CNTNAP5: variants seen among roughly 807,000 people sequenced by gnomAD.
The protein encoded by CNTNAP5 is contactin associated protein family member 5, also known as contactin-associated protein-like 5.
CNTNAP5 carries 72 observed loss-of-function variants against 150.2 expected under a neutral mutation model. The observed-to-expected ratio is 0.48, with a 90% CI of 0.40 to 0.58. The LOEUF is 0.58. CNTNAP5 is among the 20% of genes least tolerant of loss of function. The probability of loss-of-function intolerance (pLI) is 0.00; values close to 1 mark genes in which losing one functional copy is unlikely to be tolerated. For synonymous variants in CNTNAP5, 672 were observed against 619.8 expected, an observed-to-expected ratio of 1.08 and a Z score of -1.25; for missense variants, 1,636 against 1,626.2, an observed-to-expected ratio of 1.01 and a Z score of -0.10.
At chr2:124,669,985 C>T (rs1410670866) in intron 13 of CNTNAP5, among the ~76,000 whole-genome samples, 1 of 152,166 alleles carries the variant, frequency 6.6e-6, no homozygotes, top group African/African-American at 2.4e-5. Context: ...CTCCTGACTT[C>T]AGTGATCCAG....
rs977916 is a variant in CNTNAP5, at chr2:124,113,927, A to G, written c.82+88195A>G. Among the ~76,000 whole-genome samples the G allele has an allele frequency of 4.6e-5, 7 of 150,540 alleles. No individual in the cohort carries two copies. In the East Asian group the frequency reaches 1.4e-3, roughly 29 times the overall value. ...CTATATATCAAGTGTCTCTCTCTCTATATATATATATATGTCTATTACTAA... is the reference window on the plus strand; with the variant it reads ...CTATATATCAAGTGTCTCTCTCTCTGTATATATATATATGTCTATTACTAA... On this transcript the variant is annotated intron_variant, in intron 1 of 23. Transcript: ENST00000682447.
chr2:124,298,035 G>T (rs1478362918), intron 3 of CNTNAP5, among the ~76,000 whole-genome samples: 1 of 151,840 alleles, frequency 6.6e-6, no homozygotes, highest in East Asian at 1.9e-4. Flanking sequence ...AGTAGAGATG[G>T]GGTTTTACCA....
chr2:124,427,759 A>C (rs1436364178), intron 4 of CNTNAP5, among the ~76,000 whole-genome samples: 1 of 151,930 alleles, frequency 6.6e-6, no homozygotes, highest in Non-Finnish European at 1.5e-5. Context: ...GCCCGGCCAA[A>C]CCCATATTAT....
Position 124,915,611 on chromosome 2 carries a change from C to A in CNTNAP5, c.*1323C>A. On this transcript the variant is annotated 3_prime_UTR_variant, in exon 24 of 24. Coordinates refer to ENST00000682447, the MANE Select transcript of CNTNAP5 (RefSeq NM_001367498.1). ...ATACCACATTTTCAAATCTGCTATA[C>A]CCTATATACATAAAGACCCTTCCAA... 6.6e-6 allele frequency among the ~76,000 whole-genome samples: 1 copy of A among 151,980 alleles called. No homozygotes were observed. Among genetic ancestry groups the A allele is most frequent in the East Asian group, 1.9e-4 (1 of 5,154 alleles).
intron 17 of CNTNAP5, among the ~76,000 whole-genome samples, chr2:124,778,149 G>T (rs147905498): frequency 6.6e-6 from 1 of 152,136 alleles, no homozygotes; most frequent in African/African-American, 2.4e-5. Context: ...GGCTGCCCTG[G>T]AGCTAATGTG....
At position 124,326,972 on chromosome 2, in the gene CNTNAP5, C is replaced by CTTTTT. The variant is rs1192969997; in HGVS notation, c.381+84601_381+84605dup. ...CCTGGGCGACGAGGTTAGATCCTGA[C>CTTTTT]TTTTTTTTTTTTTTTTTTTTTTTTT... On this transcript the variant is annotated intron_variant, in intron 3 of 23. Transcript: ENST00000682447. Among the ~76,000 whole-genome samples, 4 of 68,514 alleles carry CTTTTT rather than the reference C, an allele frequency of 5.8e-5. 1 individual carries two copies. Among genetic ancestry groups the CTTTTT allele is most frequent in the Non-Finnish European group, 8.8e-5 (3 of 34,140 alleles). The allele number at this position is 68,514 out of a possible 152,430, so 44.9% of individuals were successfully genotyped here. A position where few individuals can be genotyped will look rare whatever the true frequency, so the allele number is the denominator to read the frequency against.
intron 10 of CNTNAP5, among the ~76,000 whole-genome samples, chr2:124,552,803 C>T (rs1210517312): frequency 6.6e-6 from 1 of 152,132 alleles, no homozygotes; most frequent in Admixed American, 6.5e-5. Context: ...ATATTCCCAC[C>T]GGTAACCACT....
intron 13 of CNTNAP5, among the ~76,000 whole-genome samples, chr2:124,727,019 A>G (rs565755459): frequency 1.3e-5 from 2 of 152,044 alleles, no homozygotes; most frequent in African/African-American, 2.4e-5. Context: ...TACATATTGC[A>G]TGAGATAAGG....
At chr2:124,556,892 T>G (rs1006038706) in intron 10 of CNTNAP5, among the ~76,000 whole-genome samples, 1 of 151,900 alleles carries the variant, frequency 6.6e-6, no homozygotes, top group Admixed American at 6.6e-5. Flanking sequence ...GTAACAAGGA[T>G]CAAGGTGAGC....
chr2:124,051,631 G>A (rs894361438), intron 1 of CNTNAP5, among the ~76,000 whole-genome samples: 1 of 152,200 alleles, frequency 6.6e-6, no homozygotes, highest in Non-Finnish European at 1.5e-5. Context: ...ATTGATGGTG[G>A]TGGTGGTGGG....
intron 3 of CNTNAP5, among the ~76,000 whole-genome samples, chr2:124,402,209 C>A (rs1187396926): frequency 6.6e-6 from 1 of 152,072 alleles, no homozygotes; most frequent in African/African-American, 2.4e-5. Flanking sequence ...AAGGCCAGGA[C>A]AAGGAGACTA....
intron 1 of CNTNAP5, among the ~76,000 whole-genome samples, chr2:124,059,976 A>C (rs530158213): frequency 6.6e-6 from 1 of 152,190 alleles, no homozygotes; most frequent in Non-Finnish European, 1.5e-5. Context: ...TAAAATGATG[A>C]GGTGAAAAAT....
intron 3 of CNTNAP5, among the ~76,000 whole-genome samples, chr2:124,249,326 G>C (rs1687112249): frequency 6.6e-6 from 1 of 152,088 alleles, no homozygotes; most frequent in Non-Finnish European, 1.5e-5. Flanking sequence ...TTTCCCCTTT[G>C]TTTTCCTTCC....
chr2:124,306,155 T>A (rs1688685279), intron 3 of CNTNAP5, among the ~76,000 whole-genome samples: 1 of 152,152 alleles, frequency 6.6e-6, no homozygotes, highest in Non-Finnish European at 1.5e-5. Context: ...TTATCTAGCT[T>A]GTAATTGAAG....
intron 19 of CNTNAP5, among the ~76,000 whole-genome samples, chr2:124,845,857 C>T (rs1171546609): frequency 1.3e-5 from 2 of 151,786 alleles, no homozygotes; most frequent in Non-Finnish European, 2.9e-5. Flanking sequence ...TCTAATTGAG[C>T]TTATTTGGAT....
At chr2:124,362,582 G>A (rs748786518) in intron 3 of CNTNAP5, among the ~76,000 whole-genome samples, 1 of 152,152 alleles carries the variant, frequency 6.6e-6, no homozygotes, top group Non-Finnish European at 1.5e-5. Context: ...TATCATGGAT[G>A]TCAGTACATA....
chr2:124,165,727 G>T (rs1684797899), intron 1 of CNTNAP5, among the ~76,000 whole-genome samples: 1 of 152,124 alleles, frequency 6.6e-6, no homozygotes, highest in Admixed American at 6.6e-5. Flanking sequence ...ACATGGAGGG[G>T]TAGCATATTC....
At chr2:124,622,361 A>C (rs12468855) in intron 12 of CNTNAP5, among the ~76,000 whole-genome samples, 61,023 of 151,644 alleles carry the variant, frequency 0.4, 14,310 homozygotes, top group Non-Finnish European at 0.54. Context: ...TTCTTTATCC[A>C]GTCTATCATT....
intron 1 of CNTNAP5, among the ~76,000 whole-genome samples, chr2:124,070,972 C>A (rs1015829719): frequency 3.3e-5 from 5 of 151,664 alleles, no homozygotes; most frequent in African/African-American, 1.2e-4. Flanking sequence ...TTAAGATATT[C>A]AAAAAATGGA....
Sources: gnomAD v4.1 joint callset for allele counts (sites outside exome capture counted in the v4.1 genomes callset) on GRCh38, gnomAD v4.1.1 for gene constraint, MANE v1.5 for transcripts, NCBI Gene and HGNC (gene_info 2026-07-23, HGNC 2026-07-21) for gene names.